CAMKK2: variants seen among roughly 807,000 people sequenced by gnomAD.
CAMKK2 encodes the protein calcium/calmodulin-dependent protein kinase kinase 2.
Under a neutral mutation model 67.2 loss-of-function variants are expected in CAMKK2, and 30 were observed. The ratio of observed to expected loss-of-function variants is 0.45; its 90% confidence interval spans 0.33 to 0.61. The LOEUF (loss-of-function observed/expected upper bound fraction) is 0.61. Among genes scored for constraint, CAMKK2 ranks in the 20% least tolerant of loss-of-function variants. The pLI is 0.02. For synonymous variants in CAMKK2, 322 were observed against 326.2 expected (o/e 0.99, Z 0.14); for missense variants, 643 against 802.0 (o/e 0.80, Z 2.39).
In CAMKK2 at chr12:121,245,180, G is replaced by A. The variant is rs199796954; in HGVS notation, c.1513C>T (p.Arg505Trp). Residue 505 changes from arginine (R) to tryptophan (W), a missense_variant, in exon 15 of 17, where the codon CGG (arginine) becomes TGG (tryptophan). Physicochemically the swap from Arg to Trp is moderately radical, Grantham distance 101. Around this residue, in one of 3 missense-constraint regions of CAMKK2, gnomAD observed 140 missense variants for 124.2 expected, o/e 1.13. Coordinates refer to ENST00000404169, the MANE Select transcript of CAMKK2 (RefSeq NM_001270485.2). This position sits in a 1 kb window ranked among gnomAD's most constrained non-coding sequence, Gnocchi z 5.8. ...SFGNPFEGSRREERSLSAPGN... is the reference protein window; with the variant it reads ...SFGNPFEGSRWEERSLSAPGN... The stretch of plus-strand genomic sequence containing the variant: ...GGCGCTGACAGTGAGCGTTCCTCCC[G>A]CCGGCTGCCCTCGAATGGGTTCCCA... 2.6e-5 allele frequency: 42 copies of A among 1,608,116 alleles called. No individual in the cohort carries two copies. The highest frequency in any genetic ancestry group is 1.3e-4 in the African/African-American group (10 of 74,836).
intron 1 of CAMKK2, among the ~76,000 whole-genome samples, chr12:121,291,791 C>T (rs537124252): frequency 3.9e-5 from 6 of 152,318 alleles, no homozygotes; most frequent in Admixed American, 1.3e-4. Flanking sequence ...GGCATGGTGG[C>T]TCACGCCTGT....
At position 121,249,985 on chromosome 12, in the gene CAMKK2, C is replaced by T; in HGVS notation, c.1211G>A (p.Ser404Asn). 6.2e-7 allele frequency: 1 copy of T among 1,614,124 alleles called. No homozygotes were observed. Among genetic ancestry groups the T allele is most frequent in the Non-Finnish European group, 8.5e-7 (1 of 1,180,016 alleles). Residue 404 changes from serine (S) to asparagine (N), a missense_variant, in exon 12 of 17, where the codon AGT (serine) becomes AAT (asparagine). By Grantham distance (46) the Ser-to-Asn change is conservative (BLOSUM62 1). Around this residue, in one of 3 missense-constraint regions of CAMKK2, gnomAD observed 483 missense variants for 625.8 expected, o/e 0.77. Coordinates refer to ENST00000404169, the MANE Select transcript of CAMKK2 (RefSeq NM_001270485.2). ...CTGGTCTGGAAATTCCAGGGCCTGACTCTTGATCTTACTGTGTAAACACAT... is the reference window on the plus strand; with the variant it reads ...CTGGTCTGGAAATTCCAGGGCCTGATTCTTGATCTTACTGTGTAAACACAT... ...RIMCLHSKIK[S>N]QALEFPDQPD...
intron 1 of CAMKK2, among the ~76,000 whole-genome samples, chr12:121,276,677 G>A (rs985170399): frequency 6.6e-6 from 1 of 151,952 alleles, no homozygotes; most frequent in Non-Finnish European, 1.5e-5. Flanking sequence ...ATCACAAAGG[G>A]TCTCTCTGGA....
chr12:121,291,419 A>G (rs928668031), intron 1 of CAMKK2, among the ~76,000 whole-genome samples: 1 of 152,250 alleles, frequency 6.6e-6, no homozygotes, highest in Non-Finnish European at 1.5e-5. Context: ...GTCCATCCAC[A>G]CAATGGAATA....
chr12:121,286,350 G>T (rs1898733950), intron 1 of CAMKK2, among the ~76,000 whole-genome samples: 1 of 152,216 alleles, frequency 6.6e-6, no homozygotes, highest in Non-Finnish European at 1.5e-5. Flanking sequence ...CAAGGATGGG[G>T]CAGGGAAGGG....
chr12:121,276,490 G>T (rs1896835242), intron 1 of CAMKK2, among the ~76,000 whole-genome samples: 1 of 152,098 alleles, frequency 6.6e-6, no homozygotes, highest in Admixed American at 6.6e-5. Context: ...AAATAAAAAA[G>T]ATTAACACAT....
chr12:121,275,559 A>G (rs1352963551), intron 1 of CAMKK2, among the ~76,000 whole-genome samples: 1 of 151,852 alleles, frequency 6.6e-6, no homozygotes, highest in Non-Finnish European at 1.5e-5. Flanking sequence ...CCTCTAAAAT[A>G]TTATGCTAAC....
In CAMKK2 at chr12:121,253,477, G is replaced by A. The variant is rs1168774674; in HGVS notation, c.908-5C>T. 2.5e-6 allele frequency: 4 copies of A among 1,613,856 alleles called. No homozygotes were observed. Among genetic ancestry groups the A allele is most frequent in the South Asian group, 1.1e-5 (1 of 91,078 alleles). On this transcript the variant is annotated splice_polypyrimidine_tract_variant and splice_region_variant and intron_variant, in intron 9 of 16. Transcript: ENST00000404169. The surrounding 1 kb of genome is among the most constrained non-coding windows in gnomAD (Gnocchi z 5.0). ...GGATGATCTTCTGGTAGTGTACTGG[G>A]GAGGCGTAGACAGCAGGTGGGAGAT...
intron 1 of CAMKK2, 28 bp from the exon 2 acceptor site, chr12:121,274,613 C>T (rs780304805): frequency 4.4e-6 from 4 of 900,752 alleles, no homozygotes; most frequent in Non-Finnish European, 6.6e-6. Context: ...GTCAGCTGGC[C>T]CAGCTCCTAC....
intron 2 of CAMKK2, 121 bp downstream of exon 2, chr12:121,273,934 TC>T (rs1268577403): frequency 2.5e-6 from 2 of 795,280 alleles, no homozygotes; most frequent in East Asian, 5.6e-5. Flanking sequence ...TGGAGTCAAC[TC>T]CTAGGTCAAC....
intron 16 of CAMKK2, chr12:121,243,719 T>C (rs201207648): frequency 1.6e-4 from 54 of 342,444 alleles, no homozygotes; most frequent in Non-Finnish European, 2.2e-4. Flanking sequence ...CTGATGAAAA[T>C]GTCGTAAAGT....
intron 7 of CAMKK2, among the ~76,000 whole-genome samples, chr12:121,258,671 A>C (rs1346200286): frequency 6.6e-6 from 1 of 152,018 alleles, no homozygotes; most frequent in Non-Finnish European, 1.5e-5. Flanking sequence ...CCAAATTAGC[A>C]TGGCTTTCTG....
intron 1 of CAMKK2, among the ~76,000 whole-genome samples, chr12:121,277,447 C>T (rs1203614075): frequency 6.6e-6 from 1 of 152,194 alleles, no homozygotes; most frequent in African/African-American, 2.4e-5. Context: ...TTCATAGCAA[C>T]ATCATTCACA....
At chr12:121,278,347 C>A (rs1897164604) in intron 1 of CAMKK2, among the ~76,000 whole-genome samples, 1 of 152,230 alleles carries the variant, frequency 6.6e-6, no homozygotes, top group Admixed American at 6.5e-5. Context: ...TGGTGCCCAT[C>A]TGATAGTCAT....
intron 11 of CAMKK2, among the ~76,000 whole-genome samples, chr12:121,250,483 G>A (rs1014995894): frequency 3.9e-5 from 6 of 152,096 alleles, no homozygotes; most frequent in African/African-American, 4.8e-5. Flanking sequence ...ACTGTTCCCC[G>A]TCCCTGGAAT....
At position 121,245,101 on chromosome 12, in the gene CAMKK2, C is replaced by T; in HGVS notation, c.1553+39G>A. On this transcript the variant is annotated intron_variant, in intron 15 of 16. Transcript: ENST00000404169. The surrounding 1 kb of genome is among the most constrained non-coding windows in gnomAD (Gnocchi z 5.8). ...GGGCTGCCCCAAGCCTAGCCTCCAG[C>T]CACCACTCCCCCACCCAAGAAGGCA... 1 of 1,413,630 alleles carries T rather than the reference C, an allele frequency of 7.1e-7. No homozygotes were observed. 87.6% of individuals were successfully genotyped at this position (1,413,630 alleles called of 1,614,324 possible). A position where few individuals can be genotyped will look rare whatever the true frequency, so the allele number is the denominator to read the frequency against.
chr12:121,274,190 C>A lies in CAMKK2; in HGVS notation c.337G>T (p.Gly113Cys). ...CAGCGTCCGTTCATGTCCAGGCTGC[C>A]ACCGGCTGCCAGCCCACCCTGGGAC... ...ERSQGGLAAG[G>C]SLDMNGRCIC... The change falls in exon 2 of 17, where the codon GGC becomes TGC. Residue 113 changes from glycine (G) to cysteine (C), a missense_variant. Gly to Cys is a radical substitution (Grantham distance 159). Around this residue, in one of 3 missense-constraint regions of CAMKK2, gnomAD observed 483 missense variants for 625.8 expected, o/e 0.77. Coordinates refer to ENST00000404169, the MANE Select transcript of CAMKK2 (RefSeq NM_001270485.2). 12 of 1,601,274 alleles carry A rather than the reference C, an allele frequency of 7.5e-6. No homozygotes were observed. The highest frequency in any genetic ancestry group is 1.0e-5 in the Non-Finnish European group (12 of 1,172,000).
chr12:121,278,670 C>T (rs924614165), intron 1 of CAMKK2, among the ~76,000 whole-genome samples: 4 of 152,218 alleles, frequency 2.6e-5, no homozygotes, highest in Admixed American at 6.5e-5. Flanking sequence ...CATGTAAGAC[C>T]GGACTTGCTC....
Position 121,295,958 on chromosome 12 carries a change from G to C in CAMKK2, c.-60+680C>G, listed in dbSNP as rs538199557. Among the ~76,000 whole-genome samples, 7 of 152,332 alleles carry C rather than the reference G, an allele frequency of 4.6e-5. No individual in the cohort carries two copies. In the East Asian group the frequency reaches 1.4e-3, roughly 29 times the overall value. On this transcript the variant is annotated intron_variant, in intron 1 of 16. Transcript: ENST00000404169. The stretch of plus-strand genomic sequence containing the variant: ...CCAATGCTGAGAGGGGCTGGGTCCA[G>C]TGTCCCTGAGAGTCAGGCGGACGCC...
Sources: allele counts gnomAD v4.1 joint callset (sites outside exome capture counted in the v4.1 genomes callset), GRCh38; gene constraint gnomAD v4.1.1; regional missense constraint gnomAD v4.1.1; non-coding constraint Gnocchi (gnomAD v3.1); transcripts MANE v1.5; gene names NCBI Gene and HGNC (gene_info 2026-07-23, HGNC 2026-07-21).